Variants in SLC16A9 observed in about 807,000 individuals in gnomAD.
The protein encoded by SLC16A9 is solute carrier family 16 member 9.
SLC16A9 carries 26 observed loss-of-function variants against 44.3 expected under a neutral mutation model. The ratio of observed to expected loss-of-function variants is 0.59; its 90% CI spans 0.43 to 0.81. SLC16A9 has a LOEUF of 0.81. SLC16A9 is among the 40% of genes least tolerant of loss of function. The pLI, the probability that SLC16A9 is intolerant of heterozygous loss-of-function variation, is 0.00. For synonymous variants in SLC16A9, 230 were observed against 225.1 expected (o/e 1.02, Z -0.19); for missense variants, 559 against 595.8 (o/e 0.94, Z 0.64).
intron 2 of SLC16A9, among the ~76,000 whole-genome samples, chr10:59,673,386 C>T (rs1026185063): frequency 6.6e-6 from 1 of 152,138 alleles, no homozygotes; most frequent in South Asian, 2.1e-4. Flanking sequence ...GGCAACAGCT[C>T]ATGTAACAGA....
Position 59,705,451 on chromosome 10 carries a change from T to C in SLC16A9, c.-37+4028A>G, listed in dbSNP as rs945637117. Among the ~76,000 whole-genome samples, 12 of 152,226 alleles carry C rather than the reference T, an allele frequency of 7.9e-5. 1 individual carries two copies. Among genetic ancestry groups the C allele is most frequent in the Admixed American group, 6.5e-4 (10 of 15,280 alleles). ...CCTTGTAAAAATTCTCAGTCTAAGA[T>C]CAAAATAATGCCTCCCTAGATAACA... is the stretch of plus-strand genomic sequence containing the variant. On this transcript the variant is annotated intron_variant, in intron 1 of 5. Transcript: ENST00000395348.
intron 2 of SLC16A9, among the ~76,000 whole-genome samples, chr10:59,674,466 A>G (rs777450417): frequency 2.0e-5 from 3 of 152,156 alleles, no homozygotes; most frequent in Non-Finnish European, 4.4e-5. Context: ...AGAAGAGGAG[A>G]CTGATACATT....
At position 59,672,836 on chromosome 10, in the gene SLC16A9, C is replaced by T. The variant is rs1240001146; in HGVS notation, c.274G>A (p.Gly92Ser). 2 of 1,613,614 alleles carry T rather than the reference C, an allele frequency of 1.2e-6. No individual in the cohort carries two copies. Among genetic ancestry groups the T allele is most frequent in the African/African-American group, 1.3e-5 (1 of 74,876 alleles). ...GGAGCAAAACTGCTCAACATCAGGC[C>T]TCCAGCCACCATGAAGCCACTGAAG... is the stretch of plus-strand genomic sequence containing the variant. ...TIFSGFMVAGGLMLSSFAPNI... is the reference protein window; with the variant it reads ...TIFSGFMVAGSLMLSSFAPNI... The change falls in exon 3 of 6, where the codon GGC becomes AGC. Residue 92 changes from glycine (G) to serine (S), a missense_variant. Gly to Ser is a moderately conservative substitution (Grantham distance 56). Transcript: ENST00000395348.
intron 2 of SLC16A9, among the ~76,000 whole-genome samples, chr10:59,673,584 G>C (rs1272548544): frequency 6.6e-6 from 1 of 152,202 alleles, no homozygotes; most frequent in African/African-American, 2.4e-5. Flanking sequence ...TGAAAGCAAA[G>C]AGAAGTATAT....
At chr10:59,688,179 C>T (rs2132505566) in intron 1 of SLC16A9, among the ~76,000 whole-genome samples, 1 of 152,214 alleles carries the variant, frequency 6.6e-6, no homozygotes, top group East Asian at 1.9e-4. Context: ...AAACCATGCA[C>T]TTGGCTGTGG....
chr10:59,657,796 G>A (rs1481561195), intron 4 of SLC16A9, among the ~76,000 whole-genome samples: 3 of 152,136 alleles, frequency 2.0e-5, no homozygotes, highest in African/African-American at 7.2e-5. Context: ...CCAATGTGAT[G>A]GGTACTATTT....
chr10:59,653,703 A>C lies in SLC16A9; in HGVS notation c.1323T>G (p.Leu441=), dbSNP rs1360518771. The change falls in exon 5 of 6, where the codon CTT becomes CTG. Residue 441 remains leucine (L), a synonymous_variant. Transcript: ENST00000395348. Reference sequence around the variant, plus strand: ...CGATGGGTGGTCCTAGGCTATTTCCAAGTCCAGCAAAGAACATTAATATCC... The same window carrying C: ...CGATGGGTGGTCCTAGGCTATTTCCCAGTCCAGCAAAGAACATTAATATCC... ...AYGILMFFAG[L]GNSLGPPIVG... 1 of 1,613,660 alleles carries C rather than the reference A, an allele frequency of 6.2e-7. No individual in the cohort carries two copies. The highest frequency in any genetic ancestry group is 1.7e-5 in the Admixed American group (1 of 59,982).
chr10:59,667,050 AT>A (rs1186060022), intron 3 of SLC16A9, among the ~76,000 whole-genome samples: 1 of 151,862 alleles, frequency 6.6e-6, no homozygotes, highest in East Asian at 1.9e-4. Context: ...GCAAATTGAT[AT>A]TTTTTGATAT....
chr10:59,664,793 G>C (rs12267331), intron 3 of SLC16A9, among the ~76,000 whole-genome samples: 4,469 of 152,170 alleles, frequency 0.029, 207 homozygotes, highest in African/African-American at 0.1. Context: ...GCCTGCACAA[G>C]CCAGTCTGCA....
chr10:59,697,779 A>T (rs1028707202), intron 1 of SLC16A9, among the ~76,000 whole-genome samples: 2 of 150,416 alleles, frequency 1.3e-5, no homozygotes, highest in African/African-American at 2.4e-5. Context: ...TTAAAAAAAT[A>T]AAAAAATAAA....
intron 1 of SLC16A9, among the ~76,000 whole-genome samples, chr10:59,707,775 T>G (rs1840678187): frequency 6.6e-6 from 1 of 152,144 alleles, no homozygotes; most frequent in Admixed American, 6.5e-5. Context: ...AACTTGAAAA[T>G]GTGACCACAT....
intron 2 of SLC16A9, 136 bp from the exon 3 acceptor site, chr10:59,673,049 G>A: frequency 1.4e-6 from 1 of 722,422 alleles, no homozygotes; most frequent in East Asian, 2.9e-5. Context: ...ATATGAGGCA[G>A]TTCACATGAA....
At chr10:59,685,494 T>G (rs1459623283) in intron 1 of SLC16A9, among the ~76,000 whole-genome samples, 1 of 152,226 alleles carries the variant, frequency 6.6e-6, no homozygotes, top group Non-Finnish European at 1.5e-5. Flanking sequence ...CACAAAAAAA[T>G]AGCATATTAT....
chr10:59,669,590 A>G (rs1839697952), intron 3 of SLC16A9, among the ~76,000 whole-genome samples: 1 of 152,302 alleles, frequency 6.6e-6, no homozygotes, highest in South Asian at 2.1e-4. Context: ...TAATCCCAGC[A>G]CTTTGGGAGC....
chr10:59,672,761 G>T lies in SLC16A9; in HGVS notation c.340+9C>A, dbSNP rs1398413378. The T allele has an allele frequency of 3.1e-6, 5 of 1,610,128 alleles. No homozygotes were observed. Among genetic ancestry groups the T allele is most frequent in the African/African-American group, 1.3e-5 (1 of 74,614 alleles). ...AGGTTAGGAAAGTCATAGTGACGAG[G>T]TTCCTTACCTACAACAATGCCATAG... On this transcript the variant is annotated intron_variant, in intron 3 of 5. Coordinates refer to ENST00000395348, the MANE Select transcript of SLC16A9 (RefSeq NM_194298.3).
intron 2 of SLC16A9, among the ~76,000 whole-genome samples, chr10:59,681,812 A>ATATGTATATG (rs1337013889): frequency 2.0e-3 from 9 of 4,546 alleles, no homozygotes; most frequent in African/African-American, 3.0e-3. Flanking sequence ...ATGTATATGT[A>ATATGTATATG]TATATGATGT....
intron 1 of SLC16A9, among the ~76,000 whole-genome samples, chr10:59,699,399 T>C (rs1025253317): frequency 9.5e-6 from 1 of 104,966 alleles, no homozygotes; most frequent in African/African-American, 3.3e-5. Context: ...CACAGATACT[T>C]ACATCTGTGA....
At chr10:59,707,631 T>C (rs910829685) in intron 1 of SLC16A9, among the ~76,000 whole-genome samples, 2 of 150,812 alleles carry the variant, frequency 1.3e-5, no homozygotes, top group Non-Finnish European at 2.9e-5. Context: ...GTAATACATA[T>C]AGGTTAATTA....
At chr10:59,659,488 A>G (rs1235669738) in intron 4 of SLC16A9, among the ~76,000 whole-genome samples, 1 of 152,188 alleles carries the variant, frequency 6.6e-6, no homozygotes, top group Non-Finnish European at 1.5e-5. Flanking sequence ...AGGAGCACCC[A>G]TATTCATAAA....
Sources: allele counts gnomAD v4.1 joint callset (sites outside exome capture counted in the v4.1 genomes callset), GRCh38; gene constraint gnomAD v4.1.1; transcripts MANE v1.5; gene names NCBI Gene and HGNC (gene_info 2026-07-23, HGNC 2026-07-21).